Variants in MINDY2 observed in about 807,000 individuals in gnomAD.
MINDY2 encodes ubiquitin carboxyl-terminal hydrolase MINDY-2.
MINDY2 carries 52 observed loss-of-function variants against 68.2 expected under a neutral mutation model. That is an observed-to-expected ratio of 0.76 (90% CI 0.61 to 0.96). MINDY2 has a LOEUF of 0.96. Among genes scored for constraint, MINDY2 ranks in the 40% least tolerant of loss-of-function variants. The probability of loss-of-function intolerance (pLI) is 0.00; values close to 1 mark genes in which losing one functional copy is unlikely to be tolerated. For synonymous variants in MINDY2, 372 were observed against 303.0 expected (o/e 1.23, Z -2.36); for missense variants, 881 against 773.4 (o/e 1.14, Z -1.65).
chr15:58,772,312 G>C (rs542467341), intron 1 of MINDY2, 77 bp downstream of exon 1: 2 of 1,573,792 alleles, frequency 1.3e-6, no homozygotes, highest in African/African-American at 2.7e-5. Context: ...TGCATGTCAG[G>C]TGATGGCTTC....
chr15:58,782,909 C>CTTTTT (rs1319309591), intron 1 of MINDY2, among the ~76,000 whole-genome samples: 1 of 65,984 alleles, frequency 1.5e-5, no homozygotes, highest in African/African-American at 4.5e-5. Flanking sequence ...TTTTTTCTCT[C>CTTTTT]TGTTTTTTTT....
chr15:58,831,035 G>GTATATATATATA (rs1230717668), intron 5 of MINDY2, among the ~76,000 whole-genome samples: 4 of 99,046 alleles, frequency 4.0e-5, no homozygotes, highest in African/African-American at 5.8e-5. Flanking sequence ...GTGTGTGTGT[G>GTATATATATATA]TGTGTGTATA....
intron 2 of MINDY2, among the ~76,000 whole-genome samples, chr15:58,799,988 G>C (rs180769839): frequency 4.7e-4 from 71 of 152,296 alleles, no homozygotes; most frequent in African/African-American, 1.5e-3. Context: ...AAAAATAATA[G>C]AGATGGTGGC....
At chr15:58,826,161 C>T (rs868139319) in intron 5 of MINDY2, among the ~76,000 whole-genome samples, 2 of 147,074 alleles carry the variant, frequency 1.4e-5, no homozygotes, top group African/African-American at 5.0e-5. Context: ...TTTATATGCT[C>T]TTTATGTAAA....
At chr15:58,843,360 A>G (rs945667291) in intron 6 of MINDY2, among the ~76,000 whole-genome samples, 2 of 152,136 alleles carry the variant, frequency 1.3e-5, no homozygotes, top group African/African-American at 4.8e-5. Context: ...CATATTGGCC[A>G]GGCAGGTCTG....
At chr15:58,848,103 G>C (rs1267679051) in intron 7 of MINDY2, among the ~76,000 whole-genome samples, 1 of 150,004 alleles carries the variant, frequency 6.7e-6, no homozygotes, top group East Asian at 1.9e-4. Flanking sequence ...TGACAGATGA[G>C]ATTTTTGCCT....
chr15:58,819,691 A>G (rs1200430304), intron 4 of MINDY2, among the ~76,000 whole-genome samples: 4 of 152,164 alleles, frequency 2.6e-5, no homozygotes, highest in Non-Finnish European at 5.9e-5. Context: ...TTGAAAATTC[A>G]GATTATTTGA....
At chr15:58,787,524 T>C (rs896386748) in intron 1 of MINDY2, among the ~76,000 whole-genome samples, 1 of 151,222 alleles carries the variant, frequency 6.6e-6, no homozygotes. Context: ...GATCAGAAGG[T>C]TAGGAGATTG....
At chr15:58,852,688 T>C (rs1304417288) in intron 8 of MINDY2, among the ~76,000 whole-genome samples, 1 of 152,112 alleles carries the variant, frequency 6.6e-6, no homozygotes, top group African/African-American at 2.4e-5. Flanking sequence ...ATCTGTAAAA[T>C]AGAAGAACTC....
intron 3 of MINDY2, among the ~76,000 whole-genome samples, chr15:58,803,071 T>A (rs1287316553): frequency 1.3e-5 from 2 of 152,210 alleles, no homozygotes; most frequent in African/African-American, 2.4e-5. Context: ...TTTAACATAC[T>A]TTCACCAGTA....
Position 58,861,063 on chromosome 15 carries a change from A to G in MINDY2, c.*6453A>G, listed in dbSNP as rs1455862531. 6.6e-6 allele frequency: 1 copy of G among 152,180 alleles called. No homozygotes were observed. The highest frequency in any genetic ancestry group is 6.5e-5 in the Admixed American group (1 of 15,272). The allele number at this position is 152,180 out of a possible 1,614,324, so 9.4% of individuals were successfully genotyped here. A position where few individuals can be genotyped will look rare whatever the true frequency, so the allele number is the denominator to read the frequency against. The stretch of plus-strand genomic sequence containing the variant: ...AAAAGGAATCATGTTTGCTTGTGAA[A>G]CTTCAGAGGTACCCTGAAAGTCATT... On this transcript the variant is annotated 3_prime_UTR_variant, in exon 9 of 9. Coordinates refer to ENST00000559228, the MANE Select transcript of MINDY2 (RefSeq NM_001040450.3).
At chr15:58,801,317 C>T (rs974340948) in intron 2 of MINDY2, among the ~76,000 whole-genome samples, 2 of 127,338 alleles carry the variant, frequency 1.6e-5, no homozygotes, top group Non-Finnish European at 1.6e-5. Context: ...AGGCCAGGAA[C>T]GGTGGCTCAT....
At chr15:58,810,185 G>A (rs571383536) in intron 3 of MINDY2, 45 bp from the exon 4 acceptor site, 11 of 1,516,426 alleles carry the variant, frequency 7.3e-6, no homozygotes, top group East Asian at 2.3e-5. Context: ...TTTTGTTCTC[G>A]TTTTGATGTT....
Position 58,771,573 on chromosome 15 carries a change from A to T in MINDY2, c.178A>T (p.Arg60Trp). The T allele has an allele frequency of 6.2e-7, 1 of 1,611,284 alleles. No homozygotes were observed. Residue 60 changes from arginine to tryptophan, a missense_variant, in exon 1 of 9, where the codon AGG (arginine) becomes TGG (tryptophan). By Grantham distance (101) the Arg-to-Trp change is moderately radical (BLOSUM62 -3). Coordinates refer to ENST00000559228, the MANE Select transcript of MINDY2 (RefSeq NM_001040450.3). ...GGNGLGAAAA[R>W]RSLPDSASPA... ...GAATGGGCTGGGGGCGGCGGCCGCC[A>T]GGAGGAGCCTCCCGGACTCGGCTTC... is the stretch of plus-strand genomic sequence containing the variant.
At chr15:58,782,514 A>T (rs1047108896) in intron 1 of MINDY2, among the ~76,000 whole-genome samples, 2 of 152,134 alleles carry the variant, frequency 1.3e-5, no homozygotes, top group Non-Finnish European at 2.9e-5. Flanking sequence ...ATTGTTATCA[A>T]TTGTATGGAT....
intron 6 of MINDY2, among the ~76,000 whole-genome samples, chr15:58,840,473 T>C (rs1452184369): frequency 1.3e-5 from 2 of 152,036 alleles, no homozygotes; most frequent in Non-Finnish European, 2.9e-5. Flanking sequence ...CATTAAACTT[T>C]TTATTCCTCA....
Position 58,772,070 on chromosome 15 carries a change from G to A in MINDY2, c.675G>A (p.Glu225=). Residue 225 remains glutamate (E), a synonymous_variant, in exon 1 of 9, where the codon GAG becomes GAA. Transcript: ENST00000559228. ...TGTGCAAGGAGGAGGAGGGGGAGGA[G>A]ACCGCTCAGGTGCTGGCGGCCTCCA... ...VPLCKEEEGE[E]TAQVLAASKE... 6.2e-7 allele frequency: 1 copy of A among 1,612,278 alleles called. No homozygotes were observed. Among genetic ancestry groups the A allele is most frequent in the African/African-American group, 1.3e-5 (1 of 75,036 alleles).
intron 2 of MINDY2, among the ~76,000 whole-genome samples, chr15:58,794,999 C>T (rs1174843102): frequency 1.2e-4 from 13 of 109,500 alleles, no homozygotes; most frequent in African/African-American, 3.7e-4. Context: ...CACGGTGAAA[C>T]CCCGTCTCTA....
chr15:58,814,042 A>G (rs2030501485), intron 4 of MINDY2, among the ~76,000 whole-genome samples: 1 of 149,548 alleles, frequency 6.7e-6, no homozygotes, highest in African/African-American at 2.5e-5. Flanking sequence ...GGTTCAAGTG[A>G]TGCTCCTGCC....
Sources: gnomAD v4.1 joint callset for allele counts (sites outside exome capture counted in the v4.1 genomes callset) on GRCh38, gnomAD v4.1.1 for gene constraint, MANE v1.5 for transcripts, NCBI Gene and HGNC (gene_info 2026-07-23, HGNC 2026-07-21) for gene names.